PCDH9: variants seen among roughly 807,000 people sequenced by gnomAD.
PCDH9 encodes the protein protocadherin 9, also known as protocadherin-9.
PCDH9 carries 24 observed loss-of-function variants against 70.6 expected under a neutral mutation model. The observed-to-expected ratio is 0.34, with a 90% CI of 0.25 to 0.48. The LOEUF (loss-of-function observed/expected upper bound fraction) is 0.48, where lower values mean the gene tolerates loss of function less well. PCDH9 is among the 20% of genes least tolerant of loss of function. The pLI is 0.99. For synonymous variants in PCDH9, 562 were observed against 558.5 expected, an observed-to-expected ratio of 1.01 and a Z score of -0.09; for missense variants, 1,281 against 1,503.6, an observed-to-expected ratio of 0.85 and a Z score of 2.45.
chr13:66,355,712 T>C (rs1463331179), intron 4 of PCDH9, among the ~76,000 whole-genome samples: 1 of 152,158 alleles, frequency 6.6e-6, no homozygotes, highest in Non-Finnish European at 1.5e-5. Flanking sequence ...AACAAGGTTA[T>C]GTATTGATTG....
chr13:66,535,910 G>A (rs906166184), intron 4 of PCDH9, among the ~76,000 whole-genome samples: 2 of 151,946 alleles, frequency 1.3e-5, no homozygotes, highest in South Asian at 4.2e-4. Flanking sequence ...AGAATATGAT[G>A]CTAGTTACCA....
chr13:66,903,196 T>C (rs1275591395), intron 3 of PCDH9, among the ~76,000 whole-genome samples: 3 of 151,808 alleles, frequency 2.0e-5, no homozygotes, highest in Non-Finnish European at 2.9e-5. Context: ...CCAGAACATC[T>C]AGCTTTAAAA....
At chr13:66,670,141 T>A (rs1025042497) in intron 3 of PCDH9, among the ~76,000 whole-genome samples, 7 of 152,292 alleles carry the variant, frequency 4.6e-5, no homozygotes, top group East Asian at 1.9e-4. Context: ...TCAGTTTTTT[T>A]AAAAAATATT....
chr13:66,725,814 A>G (rs535783004), intron 3 of PCDH9, among the ~76,000 whole-genome samples: 2 of 152,322 alleles, frequency 1.3e-5, no homozygotes, highest in South Asian at 4.1e-4. Flanking sequence ...GAACTACCCA[A>G]AGGCAATAAT....
At chr13:66,739,374 C>T (rs1444630644) in intron 3 of PCDH9, among the ~76,000 whole-genome samples, 1 of 149,478 alleles carries the variant, frequency 6.7e-6, no homozygotes, top group East Asian at 2.0e-4. Context: ...CCGGTACCAG[C>T]CGCTGCAAAA....
intron 4 of PCDH9, among the ~76,000 whole-genome samples, chr13:66,522,428 T>C (rs903835823): frequency 1.3e-5 from 2 of 152,062 alleles, no homozygotes; most frequent in Admixed American, 6.6e-5. Context: ...GATTTCAAAA[T>C]TCAATAAGAA....
chr13:66,602,486 C>T, intron 4 of PCDH9, among the ~76,000 whole-genome samples: 1 of 143,718 alleles, frequency 7.0e-6, no homozygotes, highest in East Asian at 2.0e-4. Context: ...TAGTTTTTAA[C>T]AAACAAATTA....
At chr13:66,729,319 G>A (rs1763664140) in intron 3 of PCDH9, among the ~76,000 whole-genome samples, 1 of 152,060 alleles carries the variant, frequency 6.6e-6, no homozygotes, top group Admixed American at 6.6e-5. Flanking sequence ...TCTTGGATCA[G>A]GCTCTTATTA....
chr13:66,646,990 C>A (rs1350346079), intron 3 of PCDH9, among the ~76,000 whole-genome samples: 1 of 152,080 alleles, frequency 6.6e-6, no homozygotes, highest in Non-Finnish European at 1.5e-5. Context: ...CAGCCAGTGC[C>A]CATGGAGAGA....
intron 2 of PCDH9, among the ~76,000 whole-genome samples, chr13:67,062,443 T>G (rs1156393316): frequency 6.6e-6 from 1 of 152,174 alleles, no homozygotes; most frequent in East Asian, 1.9e-4. Context: ...TCTTTCACAA[T>G]GTTAACCATC....
chr13:66,847,795 A>T (rs2081237838), intron 3 of PCDH9, among the ~76,000 whole-genome samples: 1 of 152,178 alleles, frequency 6.6e-6, no homozygotes, highest in Admixed American at 6.5e-5. Context: ...TAGAGCCCAG[A>T]GACAGAAGAT....
rs10559380 is a variant in PCDH9 at position 66,626,951 on chromosome 13, C to CTGTGTGTGTGTGTGTGTG, written c.3340+4241_3340+4258dup. ...GCCAGTATTATTAGATCAAATGCCACTGTGTGTGTGTGTGTGTGTGTGTGT... is the reference window on the plus strand; with the variant it reads ...GCCAGTATTATTAGATCAAATGCCACTGTGTGTGTGTGTGTGTGTGTGTGTGTGTGTGTGTGTGTGTGT... On this transcript the variant is annotated intron_variant, in intron 4 of 4. Transcript: ENST00000377865. Among the ~76,000 whole-genome samples the CTGTGTGTGTGTGTGTGTG allele has an allele frequency of 3.3e-3, 490 of 147,486 alleles. 2 individuals carry two copies. The highest frequency in any genetic ancestry group is 5.4e-3 in the Non-Finnish European group (357 of 66,686).
At chr13:66,543,139 A>G (rs1961037174) in intron 4 of PCDH9, among the ~76,000 whole-genome samples, 1 of 152,100 alleles carries the variant, frequency 6.6e-6, no homozygotes, top group South Asian at 2.1e-4. Context: ...CTTGAGGAAG[A>G]GTATTAAATA....
intron 4 of PCDH9, among the ~76,000 whole-genome samples, chr13:66,612,245 C>A (rs1471895437): frequency 6.6e-6 from 1 of 152,102 alleles, no homozygotes; most frequent in Non-Finnish European, 1.5e-5. Context: ...CACTAAACAA[C>A]AAACCAAATA....
chr13:67,026,652 T>C (rs1407886730), intron 2 of PCDH9, among the ~76,000 whole-genome samples: 3 of 152,082 alleles, frequency 2.0e-5, no homozygotes, highest in Non-Finnish European at 4.4e-5. Context: ...CATGATTGTA[T>C]ATCTAGAAAA....
At chr13:66,533,468 CT>C in intron 4 of PCDH9, among the ~76,000 whole-genome samples, 1 of 151,982 alleles carries the variant, frequency 6.6e-6, no homozygotes, top group African/African-American at 2.4e-5. Context: ...TAACAAATTA[CT>C]TTTGTATTTA....
rs542794198 is a variant in PCDH9, at chr13:66,636,660, G to T, written c.3139-5249C>A. Reference sequence around the variant, plus strand: ...TTAAATATCTTCTCGTGGAAACATTGTACCTAATTTTGATTTAATTCCCTT... The same window carrying T: ...TTAAATATCTTCTCGTGGAAACATTTTACCTAATTTTGATTTAATTCCCTT... On this transcript the variant is annotated intron_variant, in intron 3 of 4. Coordinates refer to ENST00000377865, the MANE Select transcript of PCDH9 (RefSeq NM_203487.3). Among the ~76,000 whole-genome samples the T allele has an allele frequency of 3.3e-5, 5 of 152,078 alleles. No individual in the cohort carries two copies. The South Asian group carries it at 8.3e-4, about 25-fold the overall frequency.
intron 2 of PCDH9, among the ~76,000 whole-genome samples, chr13:67,010,648 T>C (rs1321458135): frequency 6.6e-6 from 1 of 152,028 alleles, no homozygotes; most frequent in Non-Finnish European, 1.5e-5. Flanking sequence ...CTCTTTTCCT[T>C]AGTTATGTAT....
intron 4 of PCDH9, among the ~76,000 whole-genome samples, chr13:66,368,829 C>A (rs1160137842): frequency 1.3e-5 from 2 of 152,010 alleles, no homozygotes; most frequent in Non-Finnish European, 2.9e-5. Flanking sequence ...TGGATGGCAG[C>A]AGGCAAAGAG....
Sources: gnomAD v4.1 joint callset for allele counts (sites outside exome capture counted in the v4.1 genomes callset) on GRCh38, gnomAD v4.1.1 for gene constraint, MANE v1.5 for transcripts, NCBI Gene and HGNC (gene_info 2026-07-23, HGNC 2026-07-21) for gene names.